TANGO6: variants seen among roughly 807,000 people sequenced by gnomAD.
The protein encoded by TANGO6 is transport and golgi organization 6 homolog.
TANGO6 carries 90 observed loss-of-function variants against 114.2 expected under a neutral mutation model. The ratio of observed to expected loss-of-function variants is 0.79; its 90% CI spans 0.66 to 0.94. The LOEUF (loss-of-function observed/expected upper bound fraction) is 0.94. TANGO6 is among the 40% of genes least tolerant of loss of function. The pLI is 0.00. For synonymous variants in TANGO6, 477 were observed against 509.8 expected (o/e 0.94, Z 0.87); for missense variants, 1,274 against 1,315.3 (o/e 0.97, Z 0.49).
chr16:68,912,394 G>A (rs930946326), intron 11 of TANGO6, among the ~76,000 whole-genome samples: 16 of 152,094 alleles, frequency 1.1e-4, no homozygotes, highest in Admixed American at 3.3e-4. Context: ...AGCACTTTGG[G>A]AGGCTGAGGT....
At chr16:68,847,372 C>T (rs945773092) in intron 1 of TANGO6, among the ~76,000 whole-genome samples, 5 of 152,126 alleles carry the variant, frequency 3.3e-5, no homozygotes, top group African/African-American at 1.2e-4. Context: ...GTCCCCATAG[C>T]ATACTAGGAA....
chr16:68,953,786 TAGG>T (rs1490481049), intron 14 of TANGO6, among the ~76,000 whole-genome samples: 4 of 152,120 alleles, frequency 2.6e-5, no homozygotes, highest in East Asian at 1.9e-4. Flanking sequence ...TCTATATGAA[TAGG>T]AGGAGAAGGA....
At chr16:68,902,123 C>G (rs780882598) in intron 8 of TANGO6, among the ~76,000 whole-genome samples, 3 of 151,410 alleles carry the variant, frequency 2.0e-5, no homozygotes, top group Non-Finnish European at 4.4e-5. Context: ...AAGGATTAGT[C>G]AGTCACTCAT....
chr16:69,081,369 C>CT (rs956929425), intron 17 of TANGO6, among the ~76,000 whole-genome samples: 7 of 147,700 alleles, frequency 4.7e-5, no homozygotes, highest in African/African-American at 9.9e-5. Flanking sequence ...AATCTCCTTA[C>CT]TTTTTTTTTT....
At chr16:68,953,478 G>T (rs1196563924) in intron 14 of TANGO6, among the ~76,000 whole-genome samples, 1 of 152,200 alleles carries the variant, frequency 6.6e-6, no homozygotes, top group African/African-American at 2.4e-5. Flanking sequence ...GGAGTTTACA[G>T]TTGGAGAAGA....
At chr16:69,047,497 A>T (rs1280307262) in intron 17 of TANGO6, among the ~76,000 whole-genome samples, 1 of 151,964 alleles carries the variant, frequency 6.6e-6, no homozygotes, top group Admixed American at 6.6e-5. Context: ...AAAAAAAAAA[A>T]GGTGAGTGAT....
chr16:68,884,186 A>G (rs1962505872), intron 7 of TANGO6, among the ~76,000 whole-genome samples: 1 of 152,224 alleles, frequency 6.6e-6, no homozygotes, highest in Non-Finnish European at 1.5e-5. Flanking sequence ...CTGGGATTAC[A>G]GGCATAAGCC....
chr16:69,047,372 G>A (rs531256681), intron 17 of TANGO6, among the ~76,000 whole-genome samples: 2 of 151,992 alleles, frequency 1.3e-5, no homozygotes, highest in East Asian at 1.9e-4. Context: ...GTGGTTGCCT[G>A]TAGTCCTAGC....
chr16:68,962,878 G>C (rs1435263938), intron 14 of TANGO6, among the ~76,000 whole-genome samples: 1 of 151,188 alleles, frequency 6.6e-6, no homozygotes, highest in Non-Finnish European at 1.5e-5. Flanking sequence ...TCAGGAGATC[G>C]AGACCATCTC....
At chr16:69,066,229 C>T (rs1290091646) in intron 17 of TANGO6, among the ~76,000 whole-genome samples, 1 of 152,186 alleles carries the variant, frequency 6.6e-6, no homozygotes, top group Admixed American at 6.5e-5. Flanking sequence ...TTTGGCTTCT[C>T]CTCTCTAGTC....
chr16:68,956,679 C>A (rs1195367305), intron 14 of TANGO6, among the ~76,000 whole-genome samples: 1 of 151,904 alleles, frequency 6.6e-6, no homozygotes. Flanking sequence ...ATGGTAAAAC[C>A]CTGACTCTAC....
At chr16:68,880,986 A>G (rs905743498) in intron 7 of TANGO6, among the ~76,000 whole-genome samples, 2 of 152,054 alleles carry the variant, frequency 1.3e-5, no homozygotes, top group Non-Finnish European at 2.9e-5. Flanking sequence ...ATGAGGTCTC[A>G]CTATATTGCC....
intron 17 of TANGO6, among the ~76,000 whole-genome samples, chr16:69,058,185 G>A (rs1474733689): frequency 6.6e-6 from 1 of 152,082 alleles, no homozygotes; most frequent in East Asian, 1.9e-4. Context: ...ACCCTCCTTG[G>A]GGTGACGCGA....
intron 17 of TANGO6, among the ~76,000 whole-genome samples, chr16:69,079,558 A>G (rs1960436211): frequency 1.3e-5 from 2 of 150,606 alleles, no homozygotes; most frequent in African/African-American, 4.9e-5. Flanking sequence ...TGCAACTCAT[A>G]TGACAGATAA....
chr16:69,032,652 G>A (rs1266476659), intron 16 of TANGO6, among the ~76,000 whole-genome samples: 1 of 152,110 alleles, frequency 6.6e-6, no homozygotes, highest in African/African-American at 2.4e-5. Context: ...GCCAAGGTGG[G>A]TGGATCACGA....
chr16:68,934,053 T>C (rs1963275140), intron 14 of TANGO6, among the ~76,000 whole-genome samples: 2 of 152,034 alleles, frequency 1.3e-5, no homozygotes. Flanking sequence ...TTTTTTTTTT[T>C]TTTTTTAGAG....
At chr16:68,860,641 A>C in intron 2 of TANGO6, 117 bp downstream of exon 2, 1 of 1,262,804 alleles carries the variant, frequency 7.9e-7, no homozygotes, top group African/African-American at 1.5e-5. Flanking sequence ...GGATATGCCA[A>C]AGCATATCCA....
In TANGO6 at chr16:68,900,525, A is replaced by G. The variant is rs1310388657; in HGVS notation, c.1469A>G (p.Lys490Arg). 2 of 1,613,756 alleles carry G rather than the reference A, an allele frequency of 1.2e-6. No individual in the cohort carries two copies. Among genetic ancestry groups the G allele is most frequent in the Non-Finnish European group, 8.5e-7 (1 of 1,179,710 alleles). ...CTTTTTCTTCTCTACTGTTTTACTA[A>G]GCAGAGTGTGTCTCACATAAGGTAA... The part of the protein sequence containing the change: ...GVLFLLYCFT[K>R]QSVSHIRSLC... The change falls in exon 8 of 18, where the codon AAG becomes AGG. Residue 490 changes from lysine to arginine, a missense_variant. Around this residue, in one of 5 missense-constraint regions of TANGO6, gnomAD observed 908 missense variants for 910.2 expected, o/e 1.00. Transcript: ENST00000261778.
intron 11 of TANGO6, among the ~76,000 whole-genome samples, chr16:68,915,580 G>C (rs1042327945): frequency 2.0e-5 from 3 of 152,180 alleles, no homozygotes; most frequent in Non-Finnish European, 4.4e-5. Context: ...TGCTTTAGAA[G>C]ACTCCCTGGA....
Sources: gnomAD v4.1 joint callset for allele counts (sites outside exome capture counted in the v4.1 genomes callset) on GRCh38, gnomAD v4.1.1 for gene constraint, gnomAD v4.1.1 regional missense constraint, MANE v1.5 for transcripts, NCBI Gene and HGNC (gene_info 2026-07-23, HGNC 2026-07-21) for gene names.